The following KIF16B variants were observed in gnomAD, a reference collection of about 807,000 sequenced individuals.
KIF16B encodes kinesin family member 16B.
In KIF16B, 98 loss-of-function variants were observed where a neutral mutation model predicts 156.3. That is an observed-to-expected ratio of 0.63 (90% CI 0.53 to 0.74). The LOEUF (loss-of-function observed/expected upper bound fraction) is 0.74, where lower values mean the gene tolerates loss of function less well. Ranked by LOEUF, KIF16B falls within the 30% of genes least tolerant of loss-of-function variation. KIF16B has a pLI of 0.00. For synonymous variants in KIF16B, 564 were observed against 583.7 expected (o/e 0.97, Z 0.49); for missense variants, 1,421 against 1,606.5 (o/e 0.88, Z 1.97).
Position 16,418,750 on chromosome 20 carries a change from C to T in KIF16B, c.1612+8354G>A, listed in dbSNP as rs190931231. Among the ~76,000 whole-genome samples the T allele has an allele frequency of 5.9e-5, 9 of 152,280 alleles. No homozygotes were observed. In the East Asian group the frequency reaches 1.7e-3, roughly 29 times the overall value. On this transcript the variant is annotated intron_variant, in intron 15 of 25. Coordinates refer to ENST00000354981, the MANE Select transcript of KIF16B (RefSeq NM_024704.5). Reference sequence around the variant, plus strand: ...AACTCATGTAGAGGCATAAGCTCAACTGTGCATGCTCATGTTTCTCCACTC... The same window carrying T: ...AACTCATGTAGAGGCATAAGCTCAATTGTGCATGCTCATGTTTCTCCACTC...
At chr20:16,555,054 G>T (rs1175368031) in intron 1 of KIF16B, among the ~76,000 whole-genome samples, 2 of 152,244 alleles carry the variant, frequency 1.3e-5, no homozygotes, top group Non-Finnish European at 2.9e-5. Flanking sequence ...TGAGTGGACA[G>T]AATGAGCCTG....
chr20:16,512,940 A>C lies in KIF16B; in HGVS notation c.349-17T>G. On this transcript the variant is annotated splice_polypyrimidine_tract_variant and intron_variant, in intron 4 of 25. Coordinates refer to ENST00000354981, the MANE Select transcript of KIF16B (RefSeq NM_024704.5). Reference sequence around the variant, plus strand: ...AGAATCTCCCTGCATGGGAAAGACCAATGTCACAGCTGTCACTCAAAATAA... The same window carrying C: ...AGAATCTCCCTGCATGGGAAAGACCCATGTCACAGCTGTCACTCAAAATAA... 2 of 1,530,548 alleles carry C rather than the reference A, an allele frequency of 1.3e-6. No homozygotes were observed. The highest frequency in any genetic ancestry group is 1.8e-6 in the Non-Finnish European group (2 of 1,104,386). 94.8% of individuals were successfully genotyped at this position (1,530,548 alleles called of 1,614,324 possible).
In KIF16B at chr20:16,305,926, G is replaced by C. The variant is rs6043878; in HGVS notation, c.3795+6409C>G. Among the ~76,000 whole-genome samples the C allele has an allele frequency of 5.3e-5, 8 of 152,162 alleles. No homozygotes were observed. The East Asian group carries it at 1.5e-3, about 29-fold the overall frequency. On this transcript the variant is annotated intron_variant, in intron 25 of 25. Transcript: ENST00000354981. Reference sequence around the variant, plus strand: ...CCATTCACCCATTAATGGATGCTTAGGTTGATTCCATATCTTGGCTTATCA... The same window carrying C: ...CCATTCACCCATTAATGGATGCTTACGTTGATTCCATATCTTGGCTTATCA...
At chr20:16,427,725 T>C (rs958037305) in intron 14 of KIF16B, among the ~76,000 whole-genome samples, 5 of 152,024 alleles carry the variant, frequency 3.3e-5, no homozygotes, top group Non-Finnish European at 7.4e-5. Flanking sequence ...TGGCATGACA[T>C]GAATCTTGAA....
chr20:16,571,706 T>C lies in KIF16B; in HGVS notation c.47+1523A>G, dbSNP rs549529153. Among the ~76,000 whole-genome samples, 45 of 151,834 alleles carry C rather than the reference T, an allele frequency of 3.0e-4. No individual in the cohort carries two copies. In the South Asian group the frequency reaches 9.2e-3, roughly 31 times the overall value. Reference sequence around the variant, plus strand: ...GTGCAGAGGCACGGTGTCGGCTCACTGCCAGCTCTGCCTCCTGGGTTCACA... The same window carrying C: ...GTGCAGAGGCACGGTGTCGGCTCACCGCCAGCTCTGCCTCCTGGGTTCACA... On this transcript the variant is annotated intron_variant, in intron 1 of 25. Transcript: ENST00000354981.
intron 24 of KIF16B, among the ~76,000 whole-genome samples, chr20:16,321,310 A>C (rs1054822242): frequency 3.9e-5 from 6 of 152,120 alleles, no homozygotes; most frequent in Non-Finnish European, 8.8e-5. Flanking sequence ...AAAAGTGATT[A>C]TTCTTTTTAC....
In KIF16B at chr20:16,512,857, ATC is replaced by A; in HGVS notation, c.413_414del (p.Arg138MetfsTer3). The A allele has an allele frequency of 6.2e-7, 1 of 1,613,878 alleles. No homozygotes were observed. The highest frequency in any genetic ancestry group is 2.2e-5 in the East Asian group (1 of 44,878). On this transcript the variant is annotated frameshift_variant, in exon 5 of 26. Transcript: ENST00000354981. LOFTEE classifies it high-confidence loss of function. Reference sequence around the variant, plus strand: ...TCAGTTCGAAAAGAAGCTTCATCCCATCTGGTGGTTTCATTTATCCGACTGAA... The same window carrying A: ...TCAGTTCGAAAAGAAGCTTCATCCCATGGTGGTTTCATTTATCCGACTGAA... ...GLFSRINETT[R>X]WDEASFRTEV...
chr20:16,302,525 G>A (rs771427689), intron 25 of KIF16B, among the ~76,000 whole-genome samples: 1 of 152,144 alleles, frequency 6.6e-6, no homozygotes, highest in Non-Finnish European at 1.5e-5. Flanking sequence ...TTTGTATTAA[G>A]TATTGGAGTT....
chr20:16,496,343 A>G (rs1338453031), intron 11 of KIF16B, among the ~76,000 whole-genome samples: 1 of 152,244 alleles, frequency 6.6e-6, no homozygotes, highest in Non-Finnish European at 1.5e-5. Context: ...GAGCAAATCA[A>G]TCCTGTTTGA....
chr20:16,375,177 G>A (rs1033569383), intron 19 of KIF16B, among the ~76,000 whole-genome samples: 2 of 152,252 alleles, frequency 1.3e-5, no homozygotes, highest in African/African-American at 4.8e-5. Flanking sequence ...CATCAGGCCA[G>A]AGGGCCAACC....
At chr20:16,542,553 T>A (rs1232835922) in intron 1 of KIF16B, among the ~76,000 whole-genome samples, 1 of 152,022 alleles carries the variant, frequency 6.6e-6, no homozygotes, top group Non-Finnish European at 1.5e-5. Flanking sequence ...AAAAGACCTC[T>A]CTAAGGGGGT....
intron 22 of KIF16B, among the ~76,000 whole-genome samples, chr20:16,365,025 C>T (rs2064633034): frequency 6.6e-6 from 1 of 152,128 alleles, no homozygotes. Context: ...TTTATCACTC[C>T]CTTCTTCCTG....
At chr20:16,490,456 G>C (rs1314630756) in intron 12 of KIF16B, among the ~76,000 whole-genome samples, 1 of 152,058 alleles carries the variant, frequency 6.6e-6, no homozygotes, top group East Asian at 1.9e-4. Flanking sequence ...TATGAGAATC[G>C]CTTGAAACTG....
chr20:16,515,596 T>C lies in KIF16B; in HGVS notation c.300A>G (p.Ala100=), dbSNP rs768607567. 36 of 1,613,278 alleles carry C rather than the reference T, an allele frequency of 2.2e-5. No homozygotes were observed. Among genetic ancestry groups the C allele is most frequent in the Non-Finnish European group, 3.1e-5 (36 of 1,179,510 alleles). Residue 100 remains alanine (A), a synonymous_variant, in exon 4 of 26, where the codon GCA becomes GCG. Coordinates refer to ENST00000354981, the MANE Select transcript of KIF16B (RefSeq NM_024704.5). ...ACTTTCCAGATCCAGTTTGCCCATA[T>C]GCAAAGACACAAGCATTATAACCTT... ...AFEGYNACVF[A]YGQTGSGKSY...
At chr20:16,469,051 G>A (rs1052670979) in intron 12 of KIF16B, among the ~76,000 whole-genome samples, 1 of 152,036 alleles carries the variant, frequency 6.6e-6, no homozygotes, top group Non-Finnish European at 1.5e-5. Flanking sequence ...CTAGAAACTT[G>A]AGAGCAGCCT....
At chr20:16,489,120 G>A (rs1030383796) in intron 12 of KIF16B, among the ~76,000 whole-genome samples, 3 of 152,210 alleles carry the variant, frequency 2.0e-5, no homozygotes, top group African/African-American at 7.2e-5. Flanking sequence ...TAGGCAGGAG[G>A]GGCAAAGGCA....
At chr20:16,418,295 A>G (rs1327215311) in intron 15 of KIF16B, among the ~76,000 whole-genome samples, 1 of 152,154 alleles carries the variant, frequency 6.6e-6, no homozygotes, top group African/African-American at 2.4e-5. Context: ...ATATTCAAAC[A>G]CATGAGAAGT....
At chr20:16,334,841 T>C (rs6105577) in intron 24 of KIF16B, among the ~76,000 whole-genome samples, 64,106 of 151,844 alleles carry the variant, frequency 0.42, 14,517 homozygotes, top group East Asian at 0.91. Flanking sequence ...GTACAGCCTG[T>C]AGAACTGTAA....
At chr20:16,560,873 G>A (rs1223199837) in intron 1 of KIF16B, among the ~76,000 whole-genome samples, 4 of 152,124 alleles carry the variant, frequency 2.6e-5, no homozygotes, top group South Asian at 2.1e-4. Flanking sequence ...GTGTTGTCTC[G>A]AGTAACAAAA....
Sources: allele counts gnomAD v4.1 joint callset (sites outside exome capture counted in the v4.1 genomes callset), GRCh38; gene constraint gnomAD v4.1.1; transcripts MANE v1.5; gene names NCBI Gene and HGNC (gene_info 2026-07-23, HGNC 2026-07-21).